Variants in CCDC148 observed in about 807,000 individuals in gnomAD.
The protein encoded by CCDC148 is coiled-coil domain containing 148.
Under a neutral mutation model 85.7 loss-of-function variants are expected in CCDC148, and 89 were observed. The ratio of observed to expected loss-of-function variants is 1.04; its 90% CI spans 0.87 to 1.24. The LOEUF (loss-of-function observed/expected upper bound fraction) is 1.24. Among genes scored for constraint, CCDC148 ranks in the 50% most tolerant of loss-of-function variants. The pLI is 0.00. For missense variants in CCDC148, 692 were observed against 671.7 expected (o/e 1.03, Z -0.33); for synonymous variants, 230 against 213.9 (o/e 1.08, Z -0.66).
chr2:158,234,143 T>G (rs1371990320), intron 10 of CCDC148, among the ~76,000 whole-genome samples: 1 of 151,626 alleles, frequency 6.6e-6, no homozygotes, highest in Admixed American at 6.6e-5. Context: ...GCCATTGCAC[T>G]ACAGCCTGGG....
At chr2:158,306,846 TAA>T (rs961057927) in intron 9 of CCDC148, among the ~76,000 whole-genome samples, 1 of 133,920 alleles carries the variant, frequency 7.5e-6, no homozygotes. Context: ...AAAAAAACAC[TAA>T]AAAAAAAAAA....
At position 158,406,617 on chromosome 2, in the gene CCDC148, T is replaced by TTTTTTCTG. The variant is rs1260129861; in HGVS notation, c.26-48048_26-48047insCAGAAAAA. Among the ~76,000 whole-genome samples the TTTTTTCTG allele has an allele frequency of 1.5e-4, 6 of 39,264 alleles. 2 individuals are homozygous for TTTTTTCTG. The highest frequency in any genetic ancestry group is 3.0e-4 in the Non-Finnish European group (5 of 16,834). The allele number at this position is 39,264 out of a possible 152,430, so 25.8% of individuals were successfully genotyped here. A position where few individuals can be genotyped will look rare whatever the true frequency, so the allele number is the denominator to read the frequency against. ...CCAGTTAAACAGATTAAATTTCTTTTTTTTTTTTTTTTTTTTTTTTTTTGA... is the reference window on the plus strand; with the variant it reads ...CCAGTTAAACAGATTAAATTTCTTTTTTTTTCTGTTTTTTTTTTTTTTTTTTTTTTTGA... On this transcript the variant is annotated intron_variant, in intron 1 of 13. Transcript: ENST00000283233.
intron 9 of CCDC148, among the ~76,000 whole-genome samples, chr2:158,279,331 C>G (rs935359571): frequency 1.3e-5 from 2 of 151,948 alleles, no homozygotes; most frequent in South Asian, 2.1e-4. Flanking sequence ...AAACTACGAG[C>G]TACAGGAGGA....
intron 1 of CCDC148, among the ~76,000 whole-genome samples, chr2:158,444,942 G>A (rs973891864): frequency 1.3e-5 from 2 of 151,942 alleles, no homozygotes; most frequent in Non-Finnish European, 2.9e-5. Context: ...TTAATGTAAA[G>A]TAGAAATAAG....
chr2:158,427,865 T>TA (rs1480305238), intron 1 of CCDC148, among the ~76,000 whole-genome samples: 1 of 151,846 alleles, frequency 6.6e-6, no homozygotes, highest in Non-Finnish European at 1.5e-5. Flanking sequence ...GGTAAGACTT[T>TA]ACTGAAAAAA....
At position 158,309,307 on chromosome 2, in the gene CCDC148, C is replaced by T. The variant is rs189928688; in HGVS notation, c.1110+126G>A. 19 of 753,986 alleles carry T rather than the reference C, an allele frequency of 2.5e-5. No homozygotes were observed. In the African/African-American group the frequency reaches 3.2e-4, roughly 13 times the overall value. The allele number at this position is 753,986 out of a possible 1,614,324, so 46.7% of individuals were successfully genotyped here. On this transcript the variant is annotated intron_variant, in intron 9 of 13. Coordinates refer to ENST00000283233, the MANE Select transcript of CCDC148 (RefSeq NM_138803.4). ...TGCAATTTTATACAGTTCAAACTAA[C>T]AGTTTTATTAAAGGTAGGCTTTTGT...
intron 13 of CCDC148, among the ~76,000 whole-genome samples, chr2:158,173,474 G>T (rs1684414253): frequency 6.6e-6 from 1 of 152,022 alleles, no homozygotes; most frequent in African/African-American, 2.4e-5. Context: ...TGTAAGTTCA[G>T]AATAAATTAA....
chr2:158,235,456 G>A (rs185149855), intron 10 of CCDC148, among the ~76,000 whole-genome samples: 443 of 152,250 alleles, frequency 2.9e-3, no homozygotes, highest in Non-Finnish European at 5.1e-3. Context: ...AATCTCATAA[G>A]AAGATTGACT....
chr2:158,282,440 C>G lies in CCDC148; in HGVS notation c.1110+26993G>C, dbSNP rs370333608. Among the ~76,000 whole-genome samples the G allele has an allele frequency of 5.3e-5, 8 of 152,304 alleles. No individual in the cohort carries two copies. The South Asian group carries it at 1.7e-3, about 32-fold the overall frequency. On this transcript the variant is annotated intron_variant, in intron 9 of 13. Coordinates refer to ENST00000283233, the MANE Select transcript of CCDC148 (RefSeq NM_138803.4). Reference sequence around the variant, plus strand: ...GCAACTTCAGCAAAGTCTCAGGATACAAAATCAATGTACAAAAATCACAAG... The same window carrying G: ...GCAACTTCAGCAAAGTCTCAGGATAGAAAATCAATGTACAAAAATCACAAG...
At chr2:158,423,697 C>G (rs897968145) in intron 1 of CCDC148, among the ~76,000 whole-genome samples, 2 of 152,026 alleles carry the variant, frequency 1.3e-5, no homozygotes, top group African/African-American at 4.8e-5. Flanking sequence ...AATGGCAACA[C>G]AAGCCACAAT....
intron 1 of CCDC148, among the ~76,000 whole-genome samples, chr2:158,376,529 C>T (rs777285654): frequency 6.6e-5 from 10 of 152,152 alleles, no homozygotes; most frequent in South Asian, 2.1e-4. Flanking sequence ...GTGCCTGGAA[C>T]ATGGTAGCCA....
intron 7 of CCDC148, among the ~76,000 whole-genome samples, chr2:158,321,918 T>C (rs932313177): frequency 1.3e-5 from 2 of 152,196 alleles, no homozygotes; most frequent in Non-Finnish European, 1.5e-5. Context: ...GAAAGAGCTA[T>C]GCTACACAAA....
At chr2:158,172,790 A>T (rs186180876) in intron 13 of CCDC148, among the ~76,000 whole-genome samples, 37 of 152,206 alleles carry the variant, frequency 2.4e-4, no homozygotes, top group Non-Finnish European at 1.3e-4. Flanking sequence ...TCTGATTCTA[A>T]GTGGAAGTAG....
intron 11 of CCDC148, among the ~76,000 whole-genome samples, chr2:158,219,708 G>A (rs539837266): frequency 9.2e-5 from 14 of 152,286 alleles, no homozygotes; most frequent in Admixed American, 5.9e-4. Flanking sequence ...TCCAAGTTGG[G>A]TATTCCCTGT....
At chr2:158,245,458 A>G (rs1372207420) in intron 10 of CCDC148, among the ~76,000 whole-genome samples, 2 of 152,200 alleles carry the variant, frequency 1.3e-5, no homozygotes, top group Non-Finnish European at 2.9e-5. Flanking sequence ...CCACTCCTCA[A>G]TTGCACAAAG....
chr2:158,306,105 G>C (rs1430813556), intron 9 of CCDC148, among the ~76,000 whole-genome samples: 1 of 152,222 alleles, frequency 6.6e-6, no homozygotes, highest in Non-Finnish European at 1.5e-5. Flanking sequence ...GCTGGAGGTA[G>C]ATGAAGGGTT....
chr2:158,318,723 T>C (rs1574613169), intron 7 of CCDC148, among the ~76,000 whole-genome samples: 2 of 152,212 alleles, frequency 1.3e-5, no homozygotes, highest in African/African-American at 4.8e-5. Flanking sequence ...CCAGCAGTAG[T>C]TTTCTAGTGG....
chr2:158,334,510 C>T (rs1236493736), intron 7 of CCDC148, among the ~76,000 whole-genome samples: 2 of 66,172 alleles, frequency 3.0e-5, no homozygotes, highest in Non-Finnish European at 6.4e-5. Flanking sequence ...ATGGCCTTCT[C>T]TACTTCAAGA....
intron 1 of CCDC148, chr2:158,425,271 G>T: frequency 1.9e-6 from 1 of 536,992 alleles, no homozygotes; most frequent in South Asian, 1.4e-5. Flanking sequence ...ATCTCCAGGG[G>T]GTCGCAATCA....
Sources: allele counts gnomAD v4.1 joint callset (sites outside exome capture counted in the v4.1 genomes callset), GRCh38; gene constraint gnomAD v4.1.1; transcripts MANE v1.5; gene names NCBI Gene and HGNC (gene_info 2026-07-23, HGNC 2026-07-21).